Variants in GUCY2F observed in about 807,000 individuals in gnomAD.
The protein encoded by GUCY2F is retinal guanylyl cyclase 2.
In GUCY2F, 61 loss-of-function variants were observed where a neutral mutation model predicts 73.1. That is an observed-to-expected ratio of 0.83 (90% CI 0.68 to 1.03). The LOEUF (loss-of-function observed/expected upper bound fraction) is 1.03, where lower values mean the gene tolerates loss of function less well. Ranked by LOEUF, GUCY2F falls within the 50% of genes least tolerant of loss-of-function variation. The probability of loss-of-function intolerance (pLI) is 0.00; values close to 1 mark genes in which losing one functional copy is unlikely to be tolerated. For synonymous variants in GUCY2F, 331 were observed against 307.8 expected, an observed-to-expected ratio of 1.08 and a Z score of -0.79; for missense variants, 912 against 854.3, an observed-to-expected ratio of 1.07 and a Z score of -0.84.
chrX:109,407,186 G>A (rs775406306), intron 9 of GUCY2F, among the ~76,000 whole-genome samples: 6 of 112,243 alleles, frequency 5.3e-5, no homozygotes, highest in African/African-American at 1.9e-4. Context: ...AGGTGTCTCA[G>A]ATGGAGATGA....
rs2272926 is a variant in GUCY2F at position 109,430,496 on chromosome X, A to G, written c.1702-100T>C. The G allele has an allele frequency of 4.6e-3, 2,387 of 518,505 alleles. 45 individuals are homozygous for G. The highest frequency in any genetic ancestry group is 0.043 in the Admixed American group (1,447 of 33,617). The allele number at this position is 518,505 out of a possible 1,213,427, so 42.7% of individuals were successfully genotyped here. On this transcript the variant is annotated intron_variant, in intron 7 of 19. Transcript: ENST00000218006. ...ATAAAGGGTTTATACCTATACCAGC[A>G]ATCCAAATAGACATTTTCCTTCTCT...
intron 8 of GUCY2F, among the ~76,000 whole-genome samples, chrX:109,411,652 G>T (rs1286148537): frequency 9.0e-6 from 1 of 111,654 alleles, no homozygotes; most frequent in Non-Finnish European, 1.9e-5. Context: ...TTCAGTTGGA[G>T]ACGTATTGAG....
intron 6 of GUCY2F, among the ~76,000 whole-genome samples, chrX:109,444,522 A>AGT (rs1421033617): frequency 8.9e-6 from 1 of 111,927 alleles, no homozygotes; most frequent in Non-Finnish European, 1.9e-5. Flanking sequence ...ATTACAGTCT[A>AGT]GTGTCTTTAC....
intron 8 of GUCY2F, among the ~76,000 whole-genome samples, chrX:109,424,365 G>A (rs1369829565): frequency 8.9e-6 from 1 of 111,867 alleles, no homozygotes; most frequent in African/African-American, 3.3e-5. Flanking sequence ...TTTGAGAGTG[G>A]ATGTGATTAA....
At chrX:109,409,485 G>A (rs950307924) in intron 8 of GUCY2F, among the ~76,000 whole-genome samples, 2 of 111,659 alleles carry the variant, frequency 1.8e-5, no homozygotes, top group African/African-American at 6.5e-5. Flanking sequence ...TTTGAAGATG[G>A]GGGAAGGAGG....
At chrX:109,454,837 T>C (rs1932224694) in intron 3 of GUCY2F, among the ~76,000 whole-genome samples, 1 of 110,946 alleles carries the variant, frequency 9.0e-6, no homozygotes, top group Non-Finnish European at 1.9e-5. Context: ...ACTTCTAGGA[T>C]GGAGTTCAAG....
At position 109,385,278 on chromosome X, in the gene GUCY2F, C is replaced by G. The variant is rs761664456; in HGVS notation, c.2961G>C (p.Pro987=). 16 of 1,134,971 alleles carry G rather than the reference C, an allele frequency of 1.4e-5. No homozygotes were observed. The African/African-American group carries it at 2.0e-4, about 14-fold the overall frequency. The allele number at this position is 1,134,971 out of a possible 1,213,427, so 93.5% of individuals were successfully genotyped here. ...TGAGGCCCACCACTCCAGCAACAAC[C>G]GGCCCTATAGAGTATCAGGGGGTTG... ...VRIRIGLHSG[P]VVAGVVGLTM... Residue 987 remains proline (P), a synonymous_variant, in exon 16 of 20, where the codon CCG becomes CCC. Transcript: ENST00000218006.
chrX:109,428,109 T>C (rs973508616), intron 8 of GUCY2F, among the ~76,000 whole-genome samples: 1 of 112,436 alleles, frequency 8.9e-6, no homozygotes, highest in African/African-American at 3.2e-5. Context: ...GAAACAATGA[T>C]GGAATACGAC....
Position 109,475,250 on chromosome X carries a change from C to T in GUCY2F, c.687G>A (p.Met229Ile). The T allele has an allele frequency of 1.7e-6, 2 of 1,209,762 alleles. No homozygotes were observed. Among genetic ancestry groups the T allele is most frequent in the East Asian group, 3.0e-5 (1 of 33,787 alleles). ...GGTGAATCCTCTGGAGGGCTTTCCG[C>T]ATGCTTTGGCTGTCTTGTCCTGTGG... ...VLTTGQDSQS[M>I]RKALQRIHQA... Residue 229 changes from methionine to isoleucine, a missense_variant, in exon 2 of 20, where the codon ATG becomes ATA. Transcript: ENST00000218006.
Position 109,441,405 on chromosome X carries a change from AG to A in GUCY2F, c.1646del (p.Ser549PhefsTer5). 1 of 1,154,583 alleles carries A rather than the reference AG, an allele frequency of 8.7e-7. No individual in the cohort carries two copies. The highest frequency in any genetic ancestry group is 1.2e-6 in the Non-Finnish European group (1 of 849,903). On this transcript the variant is annotated frameshift_variant, in exon 7 of 20. Coordinates refer to ENST00000218006, the MANE Select transcript of GUCY2F (RefSeq NM_001522.3). LOFTEE classifies it high-confidence loss of function. ...QSGRSPRLSFSSGSLTPATYE... is the reference protein window; with the variant it reads ...QSGRSPRLSFXSGSLTPATYE... ...AGGTAGCTGGAGTTAGACTCCCTGAAGAAAAGGAGAGTCTTGGGGACCTCCC... is the reference window on the plus strand; with the variant it reads ...AGGTAGCTGGAGTTAGACTCCCTGAAAAAAGGAGAGTCTTGGGGACCTCCC...
chrX:109,435,764 T>C (rs1227341974), intron 7 of GUCY2F, among the ~76,000 whole-genome samples: 1 of 111,653 alleles, frequency 9.0e-6, no homozygotes, highest in Non-Finnish European at 1.9e-5. Context: ...GGCTGTGGGT[T>C]TGTCATAGAT....
At chrX:109,471,911 G>A (rs549847669) in intron 2 of GUCY2F, among the ~76,000 whole-genome samples, 24 of 112,025 alleles carry the variant, frequency 2.1e-4, no homozygotes, top group Non-Finnish European at 3.4e-4. Context: ...CTGTTTACAC[G>A]TAAAGTAATA....
At chrX:109,475,014 G>A (rs1471424403) in intron 2 of GUCY2F, among the ~76,000 whole-genome samples, 193 bp downstream of exon 2, 1 of 112,189 alleles carries the variant, frequency 8.9e-6, no homozygotes, top group African/African-American at 3.2e-5. Flanking sequence ...TCTTTGTACT[G>A]TTATTCAGTT....
Position 109,475,353 on chromosome X carries a change from T to C in GUCY2F, c.584A>G (p.Glu195Gly). The C allele has an allele frequency of 8.3e-7, 1 of 1,211,261 alleles. No homozygotes were observed. The highest frequency in any genetic ancestry group is 1.7e-5 in the African/African-American group (1 of 57,719). Residue 195 changes from glutamate (E) to glycine (G), a missense_variant, in exon 2 of 20, where the codon GAA becomes GGA. Transcript: ENST00000218006. ...ATTGGCTGTATGCACCCAAATGTCTTCATCTGAGGAAATGACTCCAGCATG... is the reference window on the plus strand; with the variant it reads ...ATTGGCTGTATGCACCCAAATGTCTCCATCTGAGGAAATGACTCCAGCATG... ...WAHAGVISSDEDIWVHTANRV... is the reference protein window; with the variant it reads ...WAHAGVISSDGDIWVHTANRV...
intron 2 of GUCY2F, among the ~76,000 whole-genome samples, chrX:109,468,802 A>G (rs1490691797): frequency 8.9e-6 from 1 of 112,327 alleles, no homozygotes; most frequent in African/African-American, 3.2e-5. Flanking sequence ...GAACATGATT[A>G]AAGTAGAAAG....
chrX:109,415,586 A>G (rs1262990898), intron 8 of GUCY2F, among the ~76,000 whole-genome samples: 1 of 112,455 alleles, frequency 8.9e-6, no homozygotes, highest in South Asian at 3.7e-4. Context: ...GTTATGAAGT[A>G]CAGTCTGAAT....
chrX:109,374,633 A>C (rs1208269234), intron 19 of GUCY2F, among the ~76,000 whole-genome samples: 1 of 111,464 alleles, frequency 9.0e-6, no homozygotes, highest in Non-Finnish European at 1.9e-5. Context: ...AGAGAGAGAG[A>C]GAGAGAGAGA....
At chrX:109,379,298 G>C (rs745527856) in intron 17 of GUCY2F, among the ~76,000 whole-genome samples, 22 of 111,688 alleles carry the variant, frequency 2.0e-4, no homozygotes, top group Non-Finnish European at 1.3e-4. Context: ...GATTTTTTCA[G>C]CTCTATTGCA....
intron 2 of GUCY2F, among the ~76,000 whole-genome samples, chrX:109,466,751 A>C (rs1474512619): frequency 2.7e-5 from 3 of 111,987 alleles, no homozygotes; most frequent in African/African-American, 9.7e-5. Context: ...ATACATGTTT[A>C]TATGGAACCT....
Sources: allele counts gnomAD v4.1 joint callset (sites outside exome capture counted in the v4.1 genomes callset), GRCh38; gene constraint gnomAD v4.1.1; transcripts MANE v1.5; gene names NCBI Gene and HGNC (gene_info 2026-07-23, HGNC 2026-07-21).